Variants in BMPR1B observed in about 807,000 individuals in gnomAD.
BMPR1B encodes bone morphogenetic protein receptor type-1B.
A neutral mutation model predicts 59.1 loss-of-function variants in BMPR1B; 12 were observed. That is an observed-to-expected ratio of 0.20 (90% confidence interval 0.13 to 0.33). The LOEUF is 0.33. Ranked by LOEUF, BMPR1B falls within the 10% of genes least tolerant of loss-of-function variation. The pLI is 1.00. For missense variants in BMPR1B, 550 were observed against 610.9 expected (o/e 0.90, Z 1.05); for synonymous variants, 237 against 207.3 (o/e 1.14, Z -1.23).
intron 2 of BMPR1B, among the ~76,000 whole-genome samples, chr4:94,887,363 A>G (rs1246858185): frequency 2.0e-5 from 3 of 149,446 alleles, no homozygotes; most frequent in Non-Finnish European, 4.5e-5. Context: ...TTTCATACAA[A>G]TCAATGGAGG....
Position 94,952,437 on chromosome 4 carries a change from C to T in BMPR1B, c.-112-43603C>T, listed in dbSNP as rs1729981790. Among the ~76,000 whole-genome samples, 4 of 152,264 alleles carry T rather than the reference C, an allele frequency of 2.6e-5. No homozygotes were observed. The South Asian group carries it at 8.3e-4, about 32-fold the overall frequency. On this transcript the variant is annotated intron_variant, in intron 2 of 12. Coordinates refer to ENST00000515059, the MANE Select transcript of BMPR1B (RefSeq NM_001203.3). The stretch of plus-strand genomic sequence containing the variant: ...CCTCTAAACACTTCTTTAGCTGTGT[C>T]CCAGGGATTCTGGTACATTGTGTCT...
chr4:94,937,707 A>AACACACACACACACACACAGACACAC (rs67140382), intron 2 of BMPR1B, among the ~76,000 whole-genome samples: 8 of 151,196 alleles, frequency 5.3e-5, no homozygotes, highest in Admixed American at 3.9e-4. Flanking sequence ...TATATGTATA[A>AACACACACACACACACACAGACACAC]ACACACACAC....
At chr4:95,098,173 G>A (rs1730566276) in intron 3 of BMPR1B, among the ~76,000 whole-genome samples, 1 of 152,032 alleles carries the variant, frequency 6.6e-6, no homozygotes, top group African/African-American at 2.4e-5. Context: ...TAATCCACTG[G>A]ATGTTTGTTA....
chr4:94,798,547 T>C (rs1723280290), intron 1 of BMPR1B, among the ~76,000 whole-genome samples: 1 of 152,178 alleles, frequency 6.6e-6, no homozygotes, highest in Non-Finnish European at 1.5e-5. Flanking sequence ...TTAACAACCA[T>C]TTCCTTGCTC....
intron 2 of BMPR1B, among the ~76,000 whole-genome samples, chr4:94,971,846 C>T (rs998252370): frequency 6.6e-6 from 1 of 151,602 alleles, no homozygotes; most frequent in Non-Finnish European, 1.5e-5. Context: ...TAGTTTCTCT[C>T]CTTAAATTTT....
At chr4:94,873,738 T>C (rs2148970416) in intron 1 of BMPR1B, among the ~76,000 whole-genome samples, 1 of 152,292 alleles carries the variant, frequency 6.6e-6, no homozygotes, top group Admixed American at 6.5e-5. Context: ...TATCTTCCTG[T>C]GTGTTATGTG....
At chr4:95,102,213 A>C (rs1158704645) in intron 3 of BMPR1B, among the ~76,000 whole-genome samples, 1 of 152,204 alleles carries the variant, frequency 6.6e-6, no homozygotes, top group Non-Finnish European at 1.5e-5. Context: ...CAAAATCATG[A>C]ATTGTCTCTT....
intron 1 of BMPR1B, among the ~76,000 whole-genome samples, chr4:94,772,882 A>G (rs1722234418): frequency 6.6e-6 from 1 of 152,126 alleles, no homozygotes; most frequent in South Asian, 2.1e-4. Flanking sequence ...TTTACCTGCC[A>G]TTTAAATCAT....
At chr4:95,060,441 A>G (rs1727274080) in intron 3 of BMPR1B, among the ~76,000 whole-genome samples, 1 of 152,220 alleles carries the variant, frequency 6.6e-6, no homozygotes, top group Admixed American at 6.5e-5. Flanking sequence ...TTAATAAAAC[A>G]GTTGTCCTAG....
chr4:95,039,302 A>T (rs1317319223), intron 3 of BMPR1B, among the ~76,000 whole-genome samples: 3 of 152,194 alleles, frequency 2.0e-5, no homozygotes, highest in Admixed American at 6.5e-5. Context: ...TAGACAAGGC[A>T]GAGAATGTAG....
intron 1 of BMPR1B, among the ~76,000 whole-genome samples, chr4:94,845,048 C>A (rs189501621): frequency 6.6e-6 from 1 of 151,444 alleles, no homozygotes; most frequent in East Asian, 2.0e-4. Context: ...CTGCTGTTAT[C>A]CAATATGAAG....
Position 95,115,774 on chromosome 4 carries a change from A to G in BMPR1B, c.336A>G (p.Pro112=). 6.2e-7 allele frequency: 1 copy of G among 1,611,880 alleles called. No individual in the cohort carries two copies. Among genetic ancestry groups the G allele is most frequent in the Non-Finnish European group, 8.5e-7 (1 of 1,178,200 alleles). ...CNKDLHPTLP[P]LKNRDFVDGP... is the part of the protein sequence containing the mutation. ...AAGACCTACACCCTACACTGCCTCC[A>G]TTGAAAAACAGAGGTAAGTGAGGAA... Residue 112 remains proline, a synonymous_variant, in exon 6 of 13, where the codon CCA becomes CCG. Transcript: ENST00000515059.
chr4:94,971,838 G>A (rs1730803937), intron 2 of BMPR1B, among the ~76,000 whole-genome samples: 1 of 151,676 alleles, frequency 6.6e-6, no homozygotes, highest in South Asian at 2.1e-4. Flanking sequence ...AATATAGGTA[G>A]TTTCTCTCCT....
intron 3 of BMPR1B, among the ~76,000 whole-genome samples, chr4:95,091,265 C>T (rs1274371412): frequency 1.3e-5 from 2 of 150,142 alleles, no homozygotes; most frequent in African/African-American, 2.5e-5. Context: ...TTCTTTTTTT[C>T]TTTTCTTTTT....
intron 10 of BMPR1B, among the ~76,000 whole-genome samples, chr4:95,136,783 A>G (rs983725463): frequency 6.6e-6 from 1 of 151,778 alleles, no homozygotes; most frequent in Admixed American, 6.6e-5. Context: ...TATTGCATCT[A>G]TTTGATTCTT....
At chr4:94,765,955 C>T (rs142513784) in intron 1 of BMPR1B, among the ~76,000 whole-genome samples, 2,334 of 152,200 alleles carry the variant, frequency 0.015, 26 homozygotes, top group Middle Eastern at 0.027. Flanking sequence ...GTTCCTGCAC[C>T]TTCTGTGTTT....
chr4:95,051,625 G>A lies in BMPR1B; in HGVS notation c.-17-52783G>A, dbSNP rs561432540. 5.0e-5 allele frequency: 68 copies of A among 1,373,462 alleles called. 2 individuals carry two copies. The East Asian group carries it at 8.3e-4, about 17-fold the overall frequency. 85.1% of individuals were successfully genotyped at this position (1,373,462 alleles called of 1,614,324 possible). ...ATCTGACAAGAGTGGCAGCAGAGGC[G>A]TCTCAGTGAAAGACGGAAAGGCAAG... On this transcript the variant is annotated intron_variant, in intron 3 of 12. Coordinates refer to ENST00000515059, the MANE Select transcript of BMPR1B (RefSeq NM_001203.3).
At chr4:95,123,449 C>G (rs1732672256) in intron 6 of BMPR1B, among the ~76,000 whole-genome samples, 1 of 152,036 alleles carries the variant, frequency 6.6e-6, no homozygotes, top group African/African-American at 2.4e-5. Context: ...ATGAGAAGAG[C>G]CTATGAACCC....
chr4:94,874,161 G>GTA (rs976237689), intron 1 of BMPR1B, among the ~76,000 whole-genome samples: 30 of 152,158 alleles, frequency 2.0e-4, no homozygotes, highest in African/African-American at 6.0e-4. Context: ...GTATGTGTGT[G>GTA]TATATATATA....
Sources: allele counts gnomAD v4.1 joint callset (sites outside exome capture counted in the v4.1 genomes callset), GRCh38; gene constraint gnomAD v4.1.1; transcripts MANE v1.5; gene names NCBI Gene and HGNC (gene_info 2026-07-23, HGNC 2026-07-21).